PALS2: variants seen among roughly 807,000 people sequenced by gnomAD.
The protein encoded by PALS2 is protein associated with LIN7 2, MAGUK p55 family member.
A neutral mutation model predicts 61.6 loss-of-function variants in PALS2; 27 were observed. That is an observed-to-expected ratio of 0.44 (90% CI 0.32 to 0.60). The LOEUF (loss-of-function observed/expected upper bound fraction) is 0.60, where lower values mean the gene tolerates loss of function less well. Among genes scored for constraint, PALS2 ranks in the 20% least tolerant of loss-of-function variants. The pLI is 0.05. For synonymous variants in PALS2, 236 were observed against 218.6 expected, an observed-to-expected ratio of 1.08 and a Z score of -0.70; for missense variants, 554 against 639.4, an observed-to-expected ratio of 0.87 and a Z score of 1.44.
chr7:24,687,463 A>C lies in PALS2; in HGVS notation c.1472A>C (p.Asp491Ala), dbSNP rs770861166. 1 of 1,610,964 alleles carries C rather than the reference A, an allele frequency of 6.2e-7. No individual in the cohort carries two copies. The highest frequency in any genetic ancestry group is 1.7e-5 in the Admixed American group (1 of 59,372). Residue 491 changes from aspartate (D) to alanine (A), a missense_variant, in exon 12 of 12, where the codon GAT becomes GCT. Asp to Ala is a moderately radical substitution (Grantham distance 126). Transcript: ENST00000222644. This position sits in a 1 kb window ranked among gnomAD's most constrained non-coding sequence, Gnocchi z 4.5. Reference protein sequence around the residue: ...LTDSDLKKTVDESARIQRAYN... With the variant: ...LTDSDLKKTVAESARIQRAYN... Reference sequence around the variant, plus strand: ...GACTCTGACTTGAAGAAAACAGTGGATGAAAGTGCACGGATTCAGAGAGCA... The same window carrying C: ...GACTCTGACTTGAAGAAAACAGTGGCTGAAAGTGCACGGATTCAGAGAGCA...
At chr7:24,652,453 C>A (rs1040793979) in intron 5 of PALS2, among the ~76,000 whole-genome samples, 7 of 152,190 alleles carry the variant, frequency 4.6e-5, no homozygotes, top group African/African-American at 1.7e-4. Context: ...TTTCACTTAG[C>A]ATTTAGAGCT....
rs1298428977 is a variant in PALS2 at position 24,689,022 on chromosome 7, C to T, written c.*1408C>T. 6.6e-6 allele frequency: 1 copy of T among 152,134 alleles called. No homozygotes were observed. The highest frequency in any genetic ancestry group is 1.9e-4 in the East Asian group (1 of 5,178). The allele number at this position is 152,134 out of a possible 1,614,324, so 9.4% of individuals were successfully genotyped here. A position where few individuals can be genotyped will look rare whatever the true frequency, so the allele number is the denominator to read the frequency against. On this transcript the variant is annotated 3_prime_UTR_variant, in exon 12 of 12. Coordinates refer to ENST00000222644, the MANE Select transcript of PALS2 (RefSeq NM_001303037.2). ...ACAGATGGGGTTTCACCATGTTGGC[C>T]AGGGTGGTCTCGAGCTCCTGACCTC... is the stretch of plus-strand genomic sequence containing the variant.
chr7:24,603,496 A>G (rs1333746484), intron 1 of PALS2, among the ~76,000 whole-genome samples: 2 of 152,200 alleles, frequency 1.3e-5, no homozygotes, highest in Non-Finnish European at 2.9e-5. Flanking sequence ...CCACATAGAG[A>G]CCCAGGAGAG....
rs1788363766 is a variant in PALS2, at chr7:24,689,396, T to C, written c.*1782T>C. The C allele has an allele frequency of 6.6e-6, 1 of 152,198 alleles. No homozygotes were observed. The highest frequency in any genetic ancestry group is 6.5e-5 in the Admixed American group (1 of 15,280). 9.4% of individuals were successfully genotyped at this position (152,198 alleles called of 1,614,324 possible). On this transcript the variant is annotated 3_prime_UTR_variant, in exon 12 of 12. Transcript: ENST00000222644. The stretch of plus-strand genomic sequence containing the variant: ...TGTCTGGTGTTAGGTGCCAGACACC[T>C]GGCTGCTGAATTTGTTTTTTCCCTC...
At chr7:24,641,125 A>C (rs1160603786) in intron 2 of PALS2, among the ~76,000 whole-genome samples, 3 of 152,012 alleles carry the variant, frequency 2.0e-5, no homozygotes, top group Non-Finnish European at 2.9e-5. Flanking sequence ...TTATAAAGAC[A>C]GATGATCATT....
chr7:24,577,845 A>T (rs1782695578), intron 1 of PALS2, among the ~76,000 whole-genome samples: 1 of 152,060 alleles, frequency 6.6e-6, no homozygotes, highest in Non-Finnish European at 1.5e-5. Flanking sequence ...ATTTCTTCAA[A>T]CCATTTATCA....
At chr7:24,584,797 T>C (rs1782993817) in intron 1 of PALS2, among the ~76,000 whole-genome samples, 1 of 151,780 alleles carries the variant, frequency 6.6e-6, no homozygotes, top group Non-Finnish European at 1.5e-5. Context: ...TAGTTTTAGG[T>C]CTAACGTTTA....
At position 24,600,907 on chromosome 7, in the gene PALS2, A is replaced by G. The variant is rs376232912; in HGVS notation, c.-2-22759A>G. ...TTTTTCAGCATGCAAACTAGTAACT[A>G]TTTACACATGATAGATATACTTTTT... is the stretch of plus-strand genomic sequence containing the variant. On this transcript the variant is annotated intron_variant, in intron 1 of 11. Transcript: ENST00000222644. 6.3e-4 allele frequency among the ~76,000 whole-genome samples: 96 copies of G among 152,262 alleles called. 1 individual carries two copies. The highest frequency in any genetic ancestry group is 4.4e-3 in the South Asian group (21 of 4,824).
At chr7:24,613,427 G>T (rs1027957975) in intron 1 of PALS2, among the ~76,000 whole-genome samples, 1 of 151,256 alleles carries the variant, frequency 6.6e-6, no homozygotes, top group African/African-American at 2.4e-5. Context: ...TTCTCATCTC[G>T]TTTCTAATGT....
intron 3 of PALS2, among the ~76,000 whole-genome samples, chr7:24,648,420 G>A (rs1292422054): frequency 6.6e-6 from 1 of 150,550 alleles, no homozygotes; most frequent in East Asian, 2.0e-4. Flanking sequence ...AGCCTCCCGA[G>A]TAGCTGGGAT....
At chr7:24,644,095 C>CTTTTTTTTTTTTTTTTTT (rs59645237) in intron 3 of PALS2, among the ~76,000 whole-genome samples, 4 of 134,260 alleles carry the variant, frequency 3.0e-5, no homozygotes, top group African/African-American at 1.1e-4. Context: ...TTTCTTTTTT[C>CTTTTTTTTTTTTTTTTTT]TTTTTTTTTT....
chr7:24,658,848 C>T (rs940160887), intron 5 of PALS2, among the ~76,000 whole-genome samples: 1 of 152,210 alleles, frequency 6.6e-6, no homozygotes, highest in Non-Finnish European at 1.5e-5. Context: ...AGCCACTGCA[C>T]CCGGCCCTTC....
chr7:24,594,396 A>G (rs2128044611), intron 1 of PALS2, among the ~76,000 whole-genome samples: 1 of 152,200 alleles, frequency 6.6e-6, no homozygotes, highest in South Asian at 2.1e-4. Context: ...TTTCCTTTGC[A>G]TTCACAACTT....
At chr7:24,602,962 C>T (rs1783771819) in intron 1 of PALS2, among the ~76,000 whole-genome samples, 1 of 152,118 alleles carries the variant, frequency 6.6e-6, no homozygotes, top group African/African-American at 2.4e-5. Flanking sequence ...TGAAGAGGTG[C>T]CTTCCACCAT....
In PALS2 at chr7:24,679,178, A is replaced by C; in HGVS notation, c.1162A>C (p.Lys388Gln). The change falls in exon 10 of 12, where the codon AAG becomes CAG. Residue 388 changes from lysine to glutamine, a missense_variant. Coordinates refer to ENST00000222644, the MANE Select transcript of PALS2 (RefSeq NM_001303037.2). ...REDEKDGQAY[K>Q]FVSRSEMEAD... The stretch of plus-strand genomic sequence containing the variant: ...AGATGAAAAAGATGGCCAGGCATAT[A>C]AGTTTGTGTCACGATCTGAGATGGA... The C allele has an allele frequency of 6.2e-7, 1 of 1,614,040 alleles. No homozygotes were observed. Among genetic ancestry groups the C allele is most frequent in the Admixed American group, 1.7e-5 (1 of 60,030 alleles).
At chr7:24,607,512 T>C (rs542352446) in intron 1 of PALS2, among the ~76,000 whole-genome samples, 27 of 151,758 alleles carry the variant, frequency 1.8e-4, no homozygotes, top group Non-Finnish European at 3.2e-4. Flanking sequence ...TGTGTATATA[T>C]ATGTGTATAT....
chr7:24,595,441 A>G (rs1381360009), intron 1 of PALS2, among the ~76,000 whole-genome samples: 1 of 141,186 alleles, frequency 7.1e-6, no homozygotes, highest in Non-Finnish European at 1.5e-5. Flanking sequence ...TATATAAAAT[A>G]CATAATATAT....
At chr7:24,665,808 C>A in intron 7 of PALS2, 121 bp downstream of exon 7, 1 of 984,968 alleles carries the variant, frequency 1.0e-6, no homozygotes, top group Non-Finnish European at 1.5e-6. Flanking sequence ...CCTCCCTCTG[C>A]TTTCTCTCGC....
At chr7:24,607,657 A>G (rs1783965487) in intron 1 of PALS2, among the ~76,000 whole-genome samples, 2 of 150,198 alleles carry the variant, frequency 1.3e-5, no homozygotes, top group Non-Finnish European at 3.0e-5. Context: ...ATGTATGCGT[A>G]TGTATACACA....
Sources: gnomAD v4.1 joint callset for allele counts (sites outside exome capture counted in the v4.1 genomes callset) on GRCh38, gnomAD v4.1.1 for gene constraint, Gnocchi (gnomAD v3.1) non-coding constraint, MANE v1.5 for transcripts, NCBI Gene and HGNC (gene_info 2026-07-23, HGNC 2026-07-21) for gene names.